SERPINB5: variants seen among roughly 807,000 people sequenced by gnomAD.
The protein encoded by SERPINB5 is serpin family B member 5.
In SERPINB5, 27 loss-of-function variants were observed where a neutral mutation model predicts 32.2. The ratio of observed to expected loss-of-function variants is 0.84; its 90% CI spans 0.62 to 1.16. The LOEUF (loss-of-function observed/expected upper bound fraction) is 1.16. Ranked by LOEUF, SERPINB5 falls within the 50% of genes most tolerant of loss-of-function variation. SERPINB5 has a pLI of 0.00. For synonymous variants in SERPINB5, 154 were observed against 157.4 expected, an observed-to-expected ratio of 0.98 and a Z score of 0.16; for missense variants, 388 against 436.3, an observed-to-expected ratio of 0.89 and a Z score of 0.99.
intron 3 of SERPINB5, 138 bp from the exon 4 acceptor site, chr18:63,489,209 G>T: frequency 4.3e-6 from 2 of 464,484 alleles, no homozygotes. Flanking sequence ...TTCTACATGA[G>T]GTTTCAATTC....
chr18:63,483,593 A>G (rs917153777), intron 1 of SERPINB5, among the ~76,000 whole-genome samples: 9 of 152,254 alleles, frequency 5.9e-5, no homozygotes, highest in African/African-American at 2.2e-4. Flanking sequence ...AAAAGGCTCC[A>G]GGGGAGAATG....
intron 4 of SERPINB5, among the ~76,000 whole-genome samples, chr18:63,489,784 A>AT: frequency 6.6e-6 from 1 of 152,158 alleles, no homozygotes; most frequent in Admixed American, 6.5e-5. Context: ...TCATGAGGCC[A>AT]TTTTTCAGTC....
At chr18:63,477,746 T>A (rs1335467490) in intron 1 of SERPINB5, among the ~76,000 whole-genome samples, 1 of 152,240 alleles carries the variant, frequency 6.6e-6, no homozygotes, top group Non-Finnish European at 1.5e-5. Context: ...CACTTTTTCT[T>A]ATGGCTTCAT....
At chr18:63,484,125 A>G (rs1917167204) in intron 1 of SERPINB5, among the ~76,000 whole-genome samples, 1 of 152,248 alleles carries the variant, frequency 6.6e-6, no homozygotes, top group Non-Finnish European at 1.5e-5. Flanking sequence ...CTTTTCTGAC[A>G]TATGCTGGAG....
chr18:63,504,940 A>G lies in SERPINB5; in HGVS notation c.*1218A>G, dbSNP rs1045067685. On this transcript the variant is annotated 3_prime_UTR_variant, in exon 7 of 7. Coordinates refer to ENST00000382771, the MANE Select transcript of SERPINB5 (RefSeq NM_002639.5). ...TTGCAGGTTCATGGATTACTTCTCT[A>G]TAAAAAATATGTATTTACCAAAAAT... 8.2e-6 allele frequency: 1 copy of G among 122,266 alleles called. No individual in the cohort carries two copies. The highest frequency in any genetic ancestry group is 1.8e-5 in the Non-Finnish European group (1 of 56,546). 7.6% of individuals were successfully genotyped at this position (122,266 alleles called of 1,614,324 possible).
Position 63,503,634 on chromosome 18 carries a change from A to G in SERPINB5, c.1040A>G (p.Glu347Gly). 5 of 1,614,210 alleles carry G rather than the reference A, an allele frequency of 3.1e-6. No homozygotes were observed. Among genetic ancestry groups the G allele is most frequent in the Non-Finnish European group, 2.5e-6 (3 of 1,180,010 alleles). The change falls in exon 7 of 7, where the codon GAA becomes GGA. Residue 347 changes from glutamate (E) to glycine (G), a missense_variant. Glu to Gly is a moderately conservative substitution (Grantham distance 98, BLOSUM62 -2). Transcript: ENST00000382771. ...GCACGGATCCTGCAGCACAAGGATG[A>G]ATTGAATGCTGACCATCCCTTTATT... ...PGARILQHKD[E>G]LNADHPFIYI...
chr18:63,480,789 T>C (rs901323247), intron 1 of SERPINB5, among the ~76,000 whole-genome samples: 7 of 152,226 alleles, frequency 4.6e-5, no homozygotes, highest in African/African-American at 1.7e-4. Context: ...TTTGATTGAT[T>C]ACTTAGTGGG....
intron 1 of SERPINB5, among the ~76,000 whole-genome samples, chr18:63,478,541 T>C (rs1458614180): frequency 2.0e-5 from 3 of 152,206 alleles, no homozygotes; most frequent in African/African-American, 7.2e-5. Flanking sequence ...ATCCTGCACA[T>C]CCTTTGCTCC....
chr18:63,490,034 T>C (rs1008092368), intron 4 of SERPINB5, among the ~76,000 whole-genome samples: 4 of 151,972 alleles, frequency 2.6e-5, no homozygotes, highest in Non-Finnish European at 5.9e-5. Flanking sequence ...CTACTAAAAA[T>C]ACAAAAAATT....
chr18:63,494,171 A>G (rs1909400383), intron 5 of SERPINB5, among the ~76,000 whole-genome samples: 1 of 151,726 alleles, frequency 6.6e-6, no homozygotes, highest in African/African-American at 2.4e-5. Context: ...AAAATACAAA[A>G]ATTAGCTGGG....
intron 5 of SERPINB5, among the ~76,000 whole-genome samples, chr18:63,494,118 T>C (rs1909399293): frequency 6.6e-6 from 1 of 151,752 alleles, no homozygotes; most frequent in Admixed American, 6.6e-5. Flanking sequence ...GGTCAGGAGT[T>C]TGAGACCAGC....
At chr18:63,486,150 CT>C (rs1216276986) in intron 2 of SERPINB5, 1 of 152,022 alleles carries the variant, frequency 6.6e-6, no homozygotes, top group Non-Finnish European at 1.5e-5. Flanking sequence ...ATAAGTAATC[CT>C]CATTAACAAC....
At chr18:63,479,682 C>T (rs1023421145) in intron 1 of SERPINB5, among the ~76,000 whole-genome samples, 1 of 152,154 alleles carries the variant, frequency 6.6e-6, no homozygotes, top group South Asian at 2.1e-4. Context: ...CACTAACTGA[C>T]AGCTCCTTGG....
intron 6 of SERPINB5, 144 bp downstream of exon 6, chr18:63,499,431 T>C (rs1209553593): frequency 1.6e-6 from 1 of 616,994 alleles, no homozygotes; most frequent in Non-Finnish European, 2.5e-6. Context: ...GACCCATGGT[T>C]CTTTCTGGGG....
intron 1 of SERPINB5, among the ~76,000 whole-genome samples, chr18:63,484,095 A>T (rs868659031): frequency 6.6e-6 from 1 of 152,222 alleles, no homozygotes; most frequent in African/African-American, 2.4e-5. Context: ...AAACCAACTG[A>T]TGTTGATTAG....
intron 1 of SERPINB5, among the ~76,000 whole-genome samples, chr18:63,480,770 C>T (rs1191558982): frequency 2.0e-5 from 3 of 152,128 alleles, no homozygotes; most frequent in African/African-American, 2.4e-5. Context: ...TCAGATTTAC[C>T]GGGCAGTATT....
At chr18:63,494,321 CAAAAAAAAAAAAA>C (rs372412366) in intron 5 of SERPINB5, among the ~76,000 whole-genome samples, 1 of 46,688 alleles carries the variant, frequency 2.1e-5, no homozygotes, top group African/African-American at 8.0e-5. Flanking sequence ...GACTCCATCT[CAAAAAAAAAAAAA>C]AAAAAAAAAA....
chr18:63,493,184 T>A (rs745413958), intron 5 of SERPINB5, 89 bp downstream of exon 5: 1 of 1,553,198 alleles, frequency 6.4e-7, no homozygotes, highest in Non-Finnish European at 8.8e-7. Context: ...TCCATTCCAA[T>A]GAGGAACCTG....
At chr18:63,502,169 T>C (rs1485280386) in intron 6 of SERPINB5, among the ~76,000 whole-genome samples, 1 of 150,448 alleles carries the variant, frequency 6.6e-6, no homozygotes, top group Non-Finnish European at 1.5e-5. Flanking sequence ...GGAGTCTTGC[T>C]CTGTCCCCCA....
Sources: gnomAD v4.1 joint callset for allele counts (sites outside exome capture counted in the v4.1 genomes callset) on GRCh38, gnomAD v4.1.1 for gene constraint, MANE v1.5 for transcripts, NCBI Gene and HGNC (gene_info 2026-07-23, HGNC 2026-07-21) for gene names.